NEGR1: variants seen among roughly 807,000 people sequenced by gnomAD.
NEGR1 encodes neuronal growth regulator 1.
Under a neutral mutation model 40.9 loss-of-function variants are expected in NEGR1, and 10 were observed. The ratio of observed to expected loss-of-function variants is 0.24; its 90% CI spans 0.15 to 0.42. NEGR1 has a LOEUF of 0.42. Among genes scored for constraint, NEGR1 ranks in the 10% least tolerant of loss-of-function variants. NEGR1 has a pLI of 1.00. For missense variants in NEGR1, 352 were observed against 438.9 expected (o/e 0.80, Z 1.77); for synonymous variants, 185 against 166.8 (o/e 1.11, Z -0.84).
intron 1 of NEGR1, among the ~76,000 whole-genome samples, chr1:72,084,745 A>G (rs975271742): frequency 3.9e-5 from 6 of 152,224 alleles, no homozygotes; most frequent in Non-Finnish European, 5.9e-5. Flanking sequence ...TTTCTAAATT[A>G]GTGACCAGGA....
intron 6 of NEGR1, among the ~76,000 whole-genome samples, chr1:71,431,377 G>A (rs534087846): frequency 2.1e-4 from 32 of 152,132 alleles, no homozygotes; most frequent in Non-Finnish European, 3.8e-4. Flanking sequence ...AGATGTCTAT[G>A]CAGACTAAAG....
intron 4 of NEGR1, among the ~76,000 whole-genome samples, chr1:71,693,111 G>T (rs768924897): frequency 6.6e-5 from 10 of 151,342 alleles, no homozygotes; most frequent in Non-Finnish European, 1.5e-4. Context: ...TAATATCTCT[G>T]CATCTCAATT....
Position 71,630,044 on chromosome 1 carries a change from T to C in NEGR1, c.668-18898A>G, listed in dbSNP as rs569418424. On this transcript the variant is annotated intron_variant, in intron 4 of 6. Transcript: ENST00000357731. Reference sequence around the variant, plus strand: ...TGTGTACATTTCACTTCTAATTTAATATAAAGCTAAAAATTTCCCTGAAAA... The same window carrying C: ...TGTGTACATTTCACTTCTAATTTAACATAAAGCTAAAAATTTCCCTGAAAA... Among the ~76,000 whole-genome samples, 116 of 152,100 alleles carry C rather than the reference T, an allele frequency of 7.6e-4. 3 individuals are homozygous for C. In the South Asian group the frequency reaches 0.022, roughly 29 times the overall value.
At position 71,401,689 on chromosome 1, in the gene NEGR1, A is replaced by C. The variant is rs1335167447; in HGVS notation, c.*5757T>G. On this transcript the variant is annotated 3_prime_UTR_variant, in exon 7 of 7. Coordinates refer to ENST00000357731, the MANE Select transcript of NEGR1 (RefSeq NM_173808.3). ...TTTTTAAAAGTGTGTATGTATTCTG[A>C]TCTCCATTTCCCCCAAAATTCTGTT... 1 of 152,182 alleles carries C rather than the reference A, an allele frequency of 6.6e-6. No individual in the cohort carries two copies. The highest frequency in any genetic ancestry group is 2.4e-5 in the African/African-American group (1 of 41,444). The allele number at this position is 152,182 out of a possible 1,614,324, so 9.4% of individuals were successfully genotyped here.
intron 4 of NEGR1, among the ~76,000 whole-genome samples, chr1:71,694,943 C>T (rs894979329): frequency 4.6e-5 from 7 of 151,738 alleles, no homozygotes; most frequent in African/African-American, 1.7e-4. Context: ...TTTAGGGAAT[C>T]TTCAGGTTAT....
intron 3 of NEGR1, among the ~76,000 whole-genome samples, chr1:71,735,068 A>G (rs560954716): frequency 1.6e-4 from 24 of 152,004 alleles, no homozygotes; most frequent in Non-Finnish European, 3.1e-4. Flanking sequence ...TCTTCACTAG[A>G]TGTGGCCTAT....
chr1:71,914,735 C>T (rs1310603219), intron 2 of NEGR1, among the ~76,000 whole-genome samples: 1 of 152,158 alleles, frequency 6.6e-6, no homozygotes, highest in Admixed American at 6.5e-5. Flanking sequence ...GGATTGAGAG[C>T]TACCACAGCT....
chr1:71,748,570 G>T (rs1188595544), intron 3 of NEGR1, among the ~76,000 whole-genome samples: 1 of 152,078 alleles, frequency 6.6e-6, no homozygotes, highest in African/African-American at 2.4e-5. Context: ...CATATAAAAA[G>T]TTCAGAGGTT....
chr1:71,981,215 G>A (rs1177237797), intron 1 of NEGR1, among the ~76,000 whole-genome samples: 2 of 152,142 alleles, frequency 1.3e-5, no homozygotes, highest in Non-Finnish European at 1.5e-5. Flanking sequence ...TGATAAATGA[G>A]AGTCTCTCAT....
intron 1 of NEGR1, among the ~76,000 whole-genome samples, chr1:72,208,065 C>T (rs1039364057): frequency 2.0e-5 from 3 of 151,522 alleles, no homozygotes; most frequent in African/African-American, 7.3e-5. Flanking sequence ...AAAAGTTGAT[C>T]GGTTTTTCCT....
intron 1 of NEGR1, among the ~76,000 whole-genome samples, chr1:72,221,877 T>A (rs1402580786): frequency 2.0e-5 from 3 of 152,128 alleles, no homozygotes; most frequent in African/African-American, 4.8e-5. Context: ...GGGTCTAACA[T>A]GGCACAACCA....
chr1:71,932,197 A>C (rs1193467109), intron 2 of NEGR1, among the ~76,000 whole-genome samples: 1 of 152,264 alleles, frequency 6.6e-6, no homozygotes, highest in Non-Finnish European at 1.5e-5. Context: ...GGTGTTCAAT[A>C]AAAGTTATAA....
chr1:71,632,035 A>G (rs1373555312), intron 4 of NEGR1, among the ~76,000 whole-genome samples: 1 of 151,710 alleles, frequency 6.6e-6, no homozygotes, highest in East Asian at 1.9e-4. Flanking sequence ...TGTGGCAAGT[A>G]AATGAGGTAA....
At chr1:71,601,201 A>G (rs1649906973) in intron 5 of NEGR1, among the ~76,000 whole-genome samples, 1 of 152,224 alleles carries the variant, frequency 6.6e-6, no homozygotes, top group South Asian at 2.1e-4. Context: ...CAAGCTGCCA[A>G]CAAGCATACA....
chr1:71,465,606 T>C (rs1362480112), intron 6 of NEGR1, among the ~76,000 whole-genome samples: 1 of 152,064 alleles, frequency 6.6e-6, no homozygotes, highest in African/African-American at 2.4e-5. Flanking sequence ...GATACAAGAC[T>C]CAACTTAGTA....
At chr1:71,951,889 A>G (rs1646073851) in intron 1 of NEGR1, among the ~76,000 whole-genome samples, 2 of 151,878 alleles carry the variant, frequency 1.3e-5, no homozygotes, top group African/African-American at 4.8e-5. Flanking sequence ...GGTGGTCCAT[A>G]ATCAGTTATC....
chr1:71,708,630 T>C (rs1469038084), intron 3 of NEGR1, among the ~76,000 whole-genome samples: 1 of 152,044 alleles, frequency 6.6e-6, no homozygotes, highest in Non-Finnish European at 1.5e-5. Flanking sequence ...GGGGTAAATA[T>C]ACAGAATGTG....
intron 2 of NEGR1, among the ~76,000 whole-genome samples, chr1:71,863,823 C>A (rs1429230512): frequency 1.3e-5 from 2 of 152,056 alleles, no homozygotes; most frequent in Admixed American, 6.6e-5. Flanking sequence ...GTTGATTATA[C>A]ATAATGAACA....
At chr1:71,886,576 C>T (rs1660730875) in intron 2 of NEGR1, among the ~76,000 whole-genome samples, 1 of 151,984 alleles carries the variant, frequency 6.6e-6, no homozygotes, top group African/African-American at 2.4e-5. Context: ...CGGGGCAGAA[C>T]AGTCACCCCT....
Sources: gnomAD v4.1 joint callset for allele counts (sites outside exome capture counted in the v4.1 genomes callset) on GRCh38, gnomAD v4.1.1 for gene constraint, MANE v1.5 for transcripts, NCBI Gene and HGNC (gene_info 2026-07-23, HGNC 2026-07-21) for gene names.